Variants in PLXNB1 observed in about 807,000 individuals in gnomAD.
The protein encoded by PLXNB1 is plexin-B1.
A neutral mutation model predicts 209.4 loss-of-function variants in PLXNB1; 106 were observed. The ratio of observed to expected loss-of-function variants is 0.51; its 90% confidence interval spans 0.43 to 0.59. The LOEUF (loss-of-function observed/expected upper bound fraction) is 0.59, where lower values mean the gene tolerates loss of function less well. Among genes scored for constraint, PLXNB1 ranks in the 20% least tolerant of loss-of-function variants. The probability of loss-of-function intolerance (pLI) is 0.00; values close to 1 mark genes in which losing one functional copy is unlikely to be tolerated. For synonymous variants in PLXNB1, 1,167 were observed against 1,183.2 expected, an observed-to-expected ratio of 0.99 and a Z score of 0.28; for missense variants, 2,357 against 2,853.2, an observed-to-expected ratio of 0.83 and a Z score of 3.96.
Position 48,404,579 on chromosome 3 carries a change from G to T in PLXNB1, c.6315C>A (p.Ala2105=). 1 of 1,611,418 alleles carries T rather than the reference G, an allele frequency of 6.2e-7. No homozygotes were observed. Among genetic ancestry groups the T allele is most frequent in the Non-Finnish European group, 8.5e-7 (1 of 1,178,078 alleles). Residue 2105 remains alanine, a synonymous_variant, in exon 38 of 38, where the codon GCC becomes GCA. Transcript: ENST00000296440. ...INKYYDQIIT[A]LEEDGTAQKM... is the part of the protein sequence containing the mutation. ...TCTGGGCCGTGCCATCCTCCTCCAG[G>T]GCAGTGATGATCTGAAACAGAGACC...
At chr3:48,421,593 G>T in intron 7 of PLXNB1, 81 bp downstream of exon 7, 1 of 1,395,302 alleles carries the variant, frequency 7.2e-7, no homozygotes, top group South Asian at 1.4e-5. Context: ...TGGCATGTCC[G>T]ACATCAGGAT....
In PLXNB1 at chr3:48,424,100, C is replaced by A; in HGVS notation, c.512G>T (p.Gly171Val). 6.4e-7 allele frequency: 1 copy of A among 1,558,452 alleles called. No homozygotes were observed. The highest frequency in any genetic ancestry group is 8.7e-7 in the Non-Finnish European group (1 of 1,151,078). Residue 171 changes from glycine to valine, a missense_variant, in exon 3 of 38, where the codon GGA (glycine) becomes GTA (valine). Physicochemically the swap from Gly to Val is moderately radical, Grantham distance 109. Coordinates refer to ENST00000296440, the MANE Select transcript of PLXNB1 (RefSeq NM_001130082.3). ...AGEPLLFVGR[G>V]YTSRGVGGGI... ...ACCCCCCACACCCCTGCTGGTGTATCCTCGCCCCACAAACAGGAGGGGCTC... is the reference window on the plus strand; with the variant it reads ...ACCCCCCACACCCCTGCTGGTGTATACTCGCCCCACAAACAGGAGGGGCTC...
chr3:48,404,055 G>T lies in PLXNB1; in HGVS notation c.*431C>A. On this transcript the variant is annotated 3_prime_UTR_variant, in exon 38 of 38. Coordinates refer to ENST00000296440, the MANE Select transcript of PLXNB1 (RefSeq NM_001130082.3). ...ACCTAGGATGTGGCAGCAGCAACAA[G>T]GCCAGAGGCAGCTCAACTGAGGTCA... is the stretch of plus-strand genomic sequence containing the variant. 6.1e-6 allele frequency: 1 copy of T among 165,222 alleles called. No homozygotes were observed. Among genetic ancestry groups the T allele is most frequent in the Non-Finnish European group, 1.3e-5 (1 of 75,826 alleles). The allele number at this position is 165,222 out of a possible 1,614,324, so 10.2% of individuals were successfully genotyped here. A position where few individuals can be genotyped will look rare whatever the true frequency, so the allele number is the denominator to read the frequency against.
intron 4 of PLXNB1, 119 bp from the exon 5 acceptor site, chr3:48,422,578 G>T: frequency 7.4e-7 from 1 of 1,346,718 alleles, no homozygotes; most frequent in Non-Finnish European, 1.0e-6. Context: ...GCAGTCACAG[G>T]TCATACCAAC....
At position 48,405,574 on chromosome 3, in the gene PLXNB1, C is replaced by T. The variant is rs2037267443; in HGVS notation, c.6303+150G>A. 2 of 611,750 alleles carry T rather than the reference C, an allele frequency of 3.3e-6. No homozygotes were observed. The allele number at this position is 611,750 out of a possible 1,614,324, so 37.9% of individuals were successfully genotyped here. On this transcript the variant is annotated intron_variant, in intron 37 of 37. Coordinates refer to ENST00000296440, the MANE Select transcript of PLXNB1 (RefSeq NM_001130082.3). The surrounding 1 kb of genome is among the most constrained non-coding windows in gnomAD (Gnocchi z 5.0). ...AATGCCAGGAAGCCCGCCTGGAAAA[C>T]ACTTCTCAAGCCACCAAGGGGCCCG...
In PLXNB1 at chr3:48,410,323, C is replaced by T. The variant is rs868159886; in HGVS notation, c.5578G>A (p.Glu1860Lys). The T allele has an allele frequency of 3.1e-6, 5 of 1,612,760 alleles. No homozygotes were observed. Among genetic ancestry groups the T allele is most frequent in the Middle Eastern group, 1.7e-4 (1 of 6,050 alleles). Reference sequence around the variant, plus strand: ...TCTCCAGGGACATAATCCTGGTTTTCCCGGAGCACATGCTTGGTGAGGCAG... The same window carrying T: ...TCTCCAGGGACATAATCCTGGTTTTTCCGGAGCACATGCTTGGTGAGGCAG... ...VPCLTKHVLR[E>K]NQDYVPGERT... Residue 1860 changes from glutamate to lysine, a missense_variant, in exon 31 of 38, where the codon GAA (glutamate) becomes AAA (lysine). By Grantham distance (56) the Glu-to-Lys change is moderately conservative. Around this residue, in one of 7 missense-constraint regions of PLXNB1, gnomAD observed 414 missense variants for 520.5 expected, o/e 0.80. Coordinates refer to ENST00000296440, the MANE Select transcript of PLXNB1 (RefSeq NM_001130082.3). This position sits in a 1 kb window ranked among gnomAD's most constrained non-coding sequence, Gnocchi z 6.4.
At chr3:48,420,800 G>A in intron 9 of PLXNB1, 27 bp from the exon 10 acceptor site, 2 of 1,612,754 alleles carry the variant, frequency 1.2e-6, no homozygotes, top group Non-Finnish European at 1.7e-6. Flanking sequence ...CATGGGGCAA[G>A]GGTCGCCACA....
chr3:48,408,909 G>A (rs1006151724), intron 34 of PLXNB1, among the ~76,000 whole-genome samples: 1 of 152,056 alleles, frequency 6.6e-6, no homozygotes, highest in Non-Finnish European at 1.5e-5. Flanking sequence ...ACAGCACAGC[G>A]CCCTCTTGGG....
chr3:48,410,221 G>A lies in PLXNB1; in HGVS notation c.5605+75C>T. The stretch of plus-strand genomic sequence containing the variant: ...GGAAATAGGCACAAGCCTGCCCTGA[G>A]GCCCAGAGGACCTTCCCCATGACTC... On this transcript the variant is annotated intron_variant, in intron 31 of 37. Coordinates refer to ENST00000296440, the MANE Select transcript of PLXNB1 (RefSeq NM_001130082.3). This position sits in a 1 kb window ranked among gnomAD's most constrained non-coding sequence, Gnocchi z 6.4. 2.7e-6 allele frequency: 4 copies of A among 1,465,870 alleles called. No homozygotes were observed. The highest frequency in any genetic ancestry group is 1.8e-4 in the Middle Eastern group (1 of 5,478). 90.8% of individuals were successfully genotyped at this position (1,465,870 alleles called of 1,614,324 possible).
At position 48,415,784 on chromosome 3, in the gene PLXNB1, G is replaced by A; in HGVS notation, c.3618-25C>T. 1 of 1,532,726 alleles carries A rather than the reference G, an allele frequency of 6.5e-7. No homozygotes were observed. The highest frequency in any genetic ancestry group is 1.4e-5 in the African/African-American group (1 of 72,890). 94.9% of individuals were successfully genotyped at this position (1,532,726 alleles called of 1,614,324 possible). A position where few individuals can be genotyped will look rare whatever the true frequency, so the allele number is the denominator to read the frequency against. ...CCTGGGAGGGGAGGTGGGAATGAAT[G>A]CAGGGGCGCAGGCAGGGAAAACTTG... On this transcript the variant is annotated intron_variant, in intron 18 of 37. Transcript: ENST00000296440. The surrounding 1 kb of genome is among the most constrained non-coding windows in gnomAD (Gnocchi z 5.0).
At chr3:48,412,193 C>T (rs376365525) in intron 27 of PLXNB1, 45 bp downstream of exon 27, 2 of 1,597,802 alleles carry the variant, frequency 1.3e-6, no homozygotes, top group African/African-American at 2.7e-5. Flanking sequence ...TTTGGAGGGC[C>T]TGACCCTCCC....
At chr3:48,413,000 C>G in intron 24 of PLXNB1, 41 bp from the exon 25 acceptor site, 1 of 1,610,182 alleles carries the variant, frequency 6.2e-7, no homozygotes, top group East Asian at 2.2e-5. Context: ...CTGTTAAGCA[C>G]CAATCCCGTG....
rs777346610 is a variant in PLXNB1, at chr3:48,410,353, C to T, written c.5548G>A (p.Val1850Ile). ...KVPDGATVAL[V>I]PCLTKHVLRE... Reference sequence around the variant, plus strand: ...AGCACATGCTTGGTGAGGCAGGGGACGAGGGCCACAGTTGCTCCATCTGGG... The same window carrying T: ...AGCACATGCTTGGTGAGGCAGGGGATGAGGGCCACAGTTGCTCCATCTGGG... Residue 1850 changes from valine (V) to isoleucine (I), a missense_variant, in exon 31 of 38, where the codon GTC becomes ATC. By Grantham distance (29) the Val-to-Ile change is conservative. Around this residue, in one of 7 missense-constraint regions of PLXNB1, gnomAD observed 414 missense variants for 520.5 expected, o/e 0.80. Coordinates refer to ENST00000296440, the MANE Select transcript of PLXNB1 (RefSeq NM_001130082.3). The surrounding 1 kb of genome is among the most constrained non-coding windows in gnomAD (Gnocchi z 6.4). 1.5e-5 allele frequency: 25 copies of T among 1,613,344 alleles called. No homozygotes were observed. Among genetic ancestry groups the T allele is most frequent in the Middle Eastern group, 1.7e-4 (1 of 6,052 alleles).
At position 48,412,616 on chromosome 3, in the gene PLXNB1, A is replaced by C; in HGVS notation, c.4859T>G (p.Ile1620Ser). The change falls in exon 26 of 38, where the codon ATC (isoleucine) becomes AGC (serine). Residue 1620 changes from isoleucine (I) to serine (S), a missense_variant. Around this residue, in one of 7 missense-constraint regions of PLXNB1, gnomAD observed 743 missense variants for 896.2 expected, o/e 0.83. Coordinates refer to ENST00000296440, the MANE Select transcript of PLXNB1 (RefSeq NM_001130082.3). ...GGTGCGCTGGCTCTCCAGCGTGTGG[A>C]TGAACTGCAGCCAAAGAGAAGGGAT... ...LNSKLFLTKF[I>S]HTLESQRTFS... The C allele has an allele frequency of 6.2e-7, 1 of 1,613,224 alleles. No homozygotes were observed. Among genetic ancestry groups the C allele is most frequent in the Non-Finnish European group, 8.5e-7 (1 of 1,179,838 alleles).
Position 48,419,411 on chromosome 3 carries a change from C to A in PLXNB1, c.2710-45G>T. ...GGCAGTCTATGGAGCCCACCCTGCC[C>A]AGCTCAGCCCTCTGCCTTGCCAGAT... On this transcript the variant is annotated intron_variant, in intron 11 of 37. Transcript: ENST00000296440. This position sits in a 1 kb window ranked among gnomAD's most constrained non-coding sequence, Gnocchi z 5.7. The A allele has an allele frequency of 6.6e-7, 1 of 1,523,552 alleles. No individual in the cohort carries two copies. The highest frequency in any genetic ancestry group is 8.8e-7 in the Non-Finnish European group (1 of 1,133,478). 94.4% of individuals were successfully genotyped at this position (1,523,552 alleles called of 1,614,324 possible).
Position 48,412,969 on chromosome 3 carries a change from A to C in PLXNB1, c.4637-10T>G, listed in dbSNP as rs746997058. ...ATCTCAGTCATGAGGTCTGTTAAGC[A>C]GAAGAGGCCAGGTTAAGCACCTGTT... On this transcript the variant is annotated splice_polypyrimidine_tract_variant and intron_variant, in intron 24 of 37. Transcript: ENST00000296440. The C allele has an allele frequency of 1.2e-6, 2 of 1,613,682 alleles. No individual in the cohort carries two copies. Among genetic ancestry groups the C allele is most frequent in the South Asian group, 2.2e-5 (2 of 91,074 alleles).
chr3:48,409,717 C>T lies in PLXNB1; in HGVS notation c.5793G>A (p.Lys1931=). 1 of 1,613,638 alleles carries T rather than the reference C, an allele frequency of 6.2e-7. No individual in the cohort carries two copies. The highest frequency in any genetic ancestry group is 8.5e-7 in the Non-Finnish European group (1 of 1,179,940). Reference sequence around the variant, plus strand: ...TCACCTGGAACAGGTCATCCACGAACTTCTGCAGGGTGCCCTGTGGGAAGG... The same window carrying T: ...TCACCTGGAACAGGTCATCCACGAATTTCTGCAGGGTGCCCTGTGGGAAGG... The part of the protein sequence containing the change: ...RLLSMKGTLQ[K]FVDDLFQVIL... Residue 1931 remains lysine, a synonymous_variant, in exon 33 of 38, where the codon AAG becomes AAA. Coordinates refer to ENST00000296440, the MANE Select transcript of PLXNB1 (RefSeq NM_001130082.3). The surrounding 1 kb of genome is among the most constrained non-coding windows in gnomAD (Gnocchi z 5.8).
In PLXNB1 at chr3:48,416,197, A is replaced by G. The variant is rs747260863; in HGVS notation, c.3481-30T>C. 1.3e-6 allele frequency: 2 copies of G among 1,594,044 alleles called. No individual in the cohort carries two copies. The highest frequency in any genetic ancestry group is 1.7e-6 in the Non-Finnish European group (2 of 1,169,842). ...GGGACAGACAGGGAGAGAGATGAGC[A>G]TCAGACCAGACACATGGAGGCAGGG... On this transcript the variant is annotated intron_variant, in intron 17 of 37. Coordinates refer to ENST00000296440, the MANE Select transcript of PLXNB1 (RefSeq NM_001130082.3). The surrounding 1 kb of genome is among the most constrained non-coding windows in gnomAD (Gnocchi z 4.1).
rs1043675778 is a variant in PLXNB1, at chr3:48,422,407, T to C, written c.1343A>G (p.Gln448Arg). ...GTCTCTGCTCACTGCAGACCCCTGC[T>C]GGATGCTCTGTGTGGAGTATGGGTG... ...DGHPYSTQSI[Q>R]QGSAVSRDLT... Residue 448 changes from glutamine (Q) to arginine (R), a missense_variant, in exon 5 of 38, where the codon CAG (glutamine) becomes CGG (arginine). Gln to Arg is a conservative substitution (Grantham distance 43). Transcript: ENST00000296440. 1.4e-5 allele frequency: 22 copies of C among 1,604,012 alleles called. No homozygotes were observed. Among genetic ancestry groups the C allele is most frequent in the Non-Finnish European group, 1.9e-5 (22 of 1,175,062 alleles).
Sources: gnomAD v4.1 joint callset for allele counts (sites outside exome capture counted in the v4.1 genomes callset) on GRCh38, gnomAD v4.1.1 for gene constraint, gnomAD v4.1.1 regional missense constraint, Gnocchi (gnomAD v3.1) non-coding constraint, MANE v1.5 for transcripts, NCBI Gene and HGNC (gene_info 2026-07-23, HGNC 2026-07-21) for gene names.